DCC: variants seen among roughly 807,000 people sequenced by gnomAD.
The protein encoded by DCC is netrin receptor DCC.
Under a neutral mutation model 172.5 loss-of-function variants are expected in DCC, and 58 were observed. That is an observed-to-expected ratio of 0.34 (90% CI 0.27 to 0.42). The LOEUF is 0.42. Ranked by LOEUF, DCC falls within the 10% of genes least tolerant of loss-of-function variation. The pLI, the probability that DCC is intolerant of heterozygous loss-of-function variation, is 1.00. For missense variants in DCC, 1,740 were observed against 1,791.0 expected (o/e 0.97, Z 0.51); for synonymous variants, 709 against 644.5 (o/e 1.10, Z -1.52).
intron 1 of DCC, among the ~76,000 whole-genome samples, chr18:52,740,891 A>AT (rs903928874): frequency 6.6e-5 from 10 of 152,096 alleles, no homozygotes; most frequent in African/African-American, 2.4e-4. Flanking sequence ...TTTGAGGGTA[A>AT]TTTTTTTCTG....
intron 1 of DCC, among the ~76,000 whole-genome samples, chr18:52,694,405 T>G (rs1411733580): frequency 1.3e-5 from 2 of 151,968 alleles, no homozygotes; most frequent in Non-Finnish European, 1.5e-5. Context: ...AAAATCTGAA[T>G]TTCAGTTAGT....
intron 3 of DCC, among the ~76,000 whole-genome samples, chr18:52,908,974 C>T (rs897123087): frequency 6.6e-6 from 1 of 151,962 alleles, no homozygotes; most frequent in Non-Finnish European, 1.5e-5. Context: ...ATGCTAGCTG[C>T]CAAATAAAGA....
chr18:52,455,811 TG>T (rs1476362904), intron 1 of DCC, among the ~76,000 whole-genome samples: 1 of 152,188 alleles, frequency 6.6e-6, no homozygotes, highest in African/African-American at 2.4e-5. Flanking sequence ...CAGTGCTTGG[TG>T]CATGGTAAGC....
At chr18:52,648,907 A>C (rs2035068817) in intron 1 of DCC, among the ~76,000 whole-genome samples, 1 of 152,154 alleles carries the variant, frequency 6.6e-6, no homozygotes, top group Non-Finnish European at 1.5e-5. Flanking sequence ...TGGACGTTTC[A>C]GTGGTTGCTC....
chr18:53,516,093 A>G (rs4940263), intron 27 of DCC, among the ~76,000 whole-genome samples: 118,879 of 142,742 alleles, frequency 0.83, 49,840 homozygotes, highest in Non-Finnish European at 0.86. Context: ...TACTGGTACC[A>G]AAACAGAGAT....
At chr18:53,297,881 A>C (rs1448575397) in intron 12 of DCC, among the ~76,000 whole-genome samples, 3 of 152,218 alleles carry the variant, frequency 2.0e-5, no homozygotes, top group Non-Finnish European at 4.4e-5. Flanking sequence ...GAGAAAGCAC[A>C]AAAGATGCTA....
intron 2 of DCC, among the ~76,000 whole-genome samples, chr18:52,774,161 G>C (rs764461633): frequency 5.9e-5 from 9 of 152,204 alleles, no homozygotes; most frequent in Non-Finnish European, 8.8e-5. Context: ...CTGGGAACTT[G>C]TTAAAAATGA....
intron 1 of DCC, among the ~76,000 whole-genome samples, chr18:52,417,490 C>A (rs928413821): frequency 6.6e-6 from 1 of 152,146 alleles, no homozygotes; most frequent in Non-Finnish European, 1.5e-5. Context: ...TCCATTCTCC[C>A]CGTCACTTTC....
At chr18:53,145,541 G>A (rs1457918630) in intron 7 of DCC, among the ~76,000 whole-genome samples, 2 of 138,128 alleles carry the variant, frequency 1.4e-5, no homozygotes, top group African/African-American at 6.4e-5. Flanking sequence ...CATCGACTCT[G>A]ATGGTTGGTG....
intron 1 of DCC, among the ~76,000 whole-genome samples, chr18:52,534,284 C>T (rs575429838): frequency 1.3e-5 from 2 of 152,046 alleles, no homozygotes; most frequent in South Asian, 2.1e-4. Context: ...GATGGGTAAA[C>T]TGGAAACTCA....
chr18:53,110,825 G>T (rs1442985004), intron 7 of DCC, among the ~76,000 whole-genome samples: 4 of 125,538 alleles, frequency 3.2e-5, no homozygotes, highest in Non-Finnish European at 1.7e-5. Flanking sequence ...TTCAACCATT[G>T]TGGAAGTCAG....
chr18:53,028,009 A>C (rs985141161), intron 5 of DCC, among the ~76,000 whole-genome samples: 1 of 152,178 alleles, frequency 6.6e-6, no homozygotes, highest in African/African-American at 2.4e-5. Flanking sequence ...GAATACTGAC[A>C]AAGAAATATT....
chr18:52,806,046 C>A (rs2038078141), intron 2 of DCC, among the ~76,000 whole-genome samples: 1 of 152,142 alleles, frequency 6.6e-6, no homozygotes, highest in South Asian at 2.1e-4. Context: ...TTGAAATATA[C>A]CCCTTAACTG....
At chr18:52,781,720 T>C (rs528645130) in intron 2 of DCC, among the ~76,000 whole-genome samples, 71 of 152,280 alleles carry the variant, frequency 4.7e-4, no homozygotes, top group African/African-American at 1.7e-3. Context: ...GCTATAGAGA[T>C]CTTTATGAAG....
intron 2 of DCC, among the ~76,000 whole-genome samples, chr18:52,805,343 G>A (rs2038066304): frequency 6.6e-6 from 1 of 152,210 alleles, no homozygotes; most frequent in Non-Finnish European, 1.5e-5. Context: ...ATAAGCCTTT[G>A]TGGAAGATGT....
chr18:52,368,175 C>T (rs538813252), intron 1 of DCC, among the ~76,000 whole-genome samples: 11 of 152,278 alleles, frequency 7.2e-5, no homozygotes, highest in African/African-American at 2.6e-4. Context: ...ACATATTTAC[C>T]TTGAAGGAGT....
At chr18:53,480,730 T>C (rs932061145) in intron 25 of DCC, 4 of 152,276 alleles carry the variant, frequency 2.6e-5, no homozygotes, top group Admixed American at 2.6e-4. Flanking sequence ...ATAAAATCGG[T>C]ACTCCATTGT....
intron 2 of DCC, among the ~76,000 whole-genome samples, chr18:52,810,033 T>A (rs1389362170): frequency 6.6e-6 from 1 of 152,010 alleles, no homozygotes; most frequent in Admixed American, 6.6e-5. Context: ...GAAATCCAGC[T>A]AGTCCTGTCT....
At chr18:52,345,534 G>A (rs999224048) in intron 1 of DCC, among the ~76,000 whole-genome samples, 2 of 152,094 alleles carry the variant, frequency 1.3e-5, no homozygotes, top group Non-Finnish European at 2.9e-5. Context: ...CACAATGTCC[G>A]GTGAATTTTT....
Sources: allele counts gnomAD v4.1 joint callset (sites outside exome capture counted in the v4.1 genomes callset), GRCh38; gene constraint gnomAD v4.1.1; transcripts MANE v1.5; gene names NCBI Gene and HGNC (gene_info 2026-07-23, HGNC 2026-07-21).